PCDH15: variants seen among roughly 807,000 people sequenced by gnomAD.
The protein encoded by PCDH15 is protocadherin related 15.
In PCDH15, 129 loss-of-function variants were observed where a neutral mutation model predicts 178.5. The ratio of observed to expected loss-of-function variants is 0.72; its 90% CI spans 0.63 to 0.84. PCDH15 has a LOEUF of 0.84. Among genes scored for constraint, PCDH15 ranks in the 40% least tolerant of loss-of-function variants. The pLI, the probability that PCDH15 is intolerant of heterozygous loss-of-function variation, is 0.00. For missense variants in PCDH15, 2,230 were observed against 2,099.9 expected, an observed-to-expected ratio of 1.06 and a Z score of -1.21; for synonymous variants, 800 against 732.0, an observed-to-expected ratio of 1.09 and a Z score of -1.50.
intron 21 of PCDH15, among the ~76,000 whole-genome samples, chr10:53,990,599 C>CAT (rs1306324315): frequency 6.7e-6 from 1 of 149,776 alleles, no homozygotes; most frequent in African/African-American, 2.5e-5. Context: ...ATGTTATATA[C>CAT]ATATATATAA....
intron 2 of PCDH15, among the ~76,000 whole-genome samples, chr10:54,974,315 A>T (rs1425408164): frequency 6.6e-6 from 1 of 152,098 alleles, no homozygotes; most frequent in Admixed American, 6.6e-5. Flanking sequence ...TCTATAAAAA[A>T]TTTAAATATA....
In PCDH15 at chr10:55,132,595, A is replaced by G. The variant is rs191455719; in HGVS notation, c.-80+33981T>C. Among the ~76,000 whole-genome samples the G allele has an allele frequency of 3.8e-3, 582 of 152,336 alleles. 7 individuals are homozygous for G. The highest frequency in any genetic ancestry group is 0.013 in the African/African-American group (544 of 41,584). On this transcript the variant is annotated intron_variant, in intron 2 of 5. Coordinates refer to the PCDH15 transcript ENST00000458638. ...ACAAATTTATACCCCAATTTGAAAGATAATTAAATGTTCGTTTTCACTCAA... is the reference window on the plus strand; with the variant it reads ...ACAAATTTATACCCCAATTTGAAAGGTAATTAAATGTTCGTTTTCACTCAA...
chr10:55,134,925 T>C (rs1232143435), intron 2 of PCDH15, among the ~76,000 whole-genome samples: 2 of 152,186 alleles, frequency 1.3e-5, no homozygotes, highest in African/African-American at 4.8e-5. Flanking sequence ...ATAGATTTGG[T>C]GTGTTTACTA....
At position 54,977,698 on chromosome 10, in the gene PCDH15, C is replaced by T. The variant is rs367662611; in HGVS notation, c.-79-80198G>A. ...CATTTTTTTTATTTTCCAATAAACT[C>T]GCTTTCACGTTACTCTGTGGACTTC... On this transcript the variant is annotated intron_variant, in intron 2 of 5. Transcript: ENST00000458638. Among the ~76,000 whole-genome samples the T allele has an allele frequency of 4.6e-5, 7 of 152,112 alleles. No homozygotes were observed. In the East Asian group the frequency reaches 5.8e-4, roughly 13 times the overall value.
intron 2 of PCDH15, among the ~76,000 whole-genome samples, chr10:55,106,453 G>C (rs576201914): frequency 1.3e-5 from 2 of 151,998 alleles, no homozygotes; most frequent in Non-Finnish European, 2.9e-5. Flanking sequence ...CGCTCTTGTC[G>C]CCCAGGCTGG....
intron 2 of PCDH15, among the ~76,000 whole-genome samples, chr10:54,654,249 T>C (rs2094327260): frequency 6.6e-6 from 1 of 152,212 alleles, no homozygotes; most frequent in Non-Finnish European, 1.5e-5. Context: ...GGATATGATG[T>C]TATTTAATTG....
At chr10:54,650,957 A>G (rs1279362896) in intron 2 of PCDH15, among the ~76,000 whole-genome samples, 1 of 152,172 alleles carries the variant, frequency 6.6e-6, no homozygotes, top group Non-Finnish European at 1.5e-5. Flanking sequence ...TGTGTATGAA[A>G]TAAGTAGGAA....
intron 3 of PCDH15, among the ~76,000 whole-genome samples, chr10:54,402,923 C>A (rs544640964): frequency 1.3e-5 from 2 of 152,042 alleles, no homozygotes; most frequent in African/African-American, 4.8e-5. Context: ...CATCTCTCAC[C>A]TTAAATCAAA....
chr10:55,159,694 TAA>T (rs1839009301), intron 2 of PCDH15, among the ~76,000 whole-genome samples: 1 of 147,786 alleles, frequency 6.8e-6, no homozygotes, highest in African/African-American at 2.5e-5. Flanking sequence ...ATATATTTCT[TAA>T]GATATATCTA....
In PCDH15 at chr10:54,309,635, A is replaced by C. The variant is rs2060777587; in HGVS notation, c.876+7636T>G. Reference sequence around the variant, plus strand: ...ATGGTGAAACCCTGTCTCAACTGAAAAAATACAAAAATTAGCCGGGTGTGG... The same window carrying C: ...ATGGTGAAACCCTGTCTCAACTGAACAAATACAAAAATTAGCCGGGTGTGG... On this transcript the variant is annotated intron_variant, in intron 8 of 37. Coordinates refer to ENST00000644397, the MANE Select transcript of PCDH15 (RefSeq NM_001384140.1). Among the ~76,000 whole-genome samples the C allele has an allele frequency of 2.0e-5, 3 of 151,994 alleles. No individual in the cohort carries two copies. In the East Asian group the frequency reaches 5.8e-4, roughly 29 times the overall value.
intron 3 of PCDH15, among the ~76,000 whole-genome samples, chr10:54,807,415 T>G (rs940114791): frequency 5.9e-5 from 9 of 152,068 alleles, no homozygotes; most frequent in African/African-American, 2.2e-4. Context: ...AAAATAAGTA[T>G]TAAAAGAATC....
intron 2 of PCDH15, among the ~76,000 whole-genome samples, chr10:55,580,450 T>A (rs1447021768): frequency 6.6e-6 from 1 of 151,406 alleles, no homozygotes; most frequent in Admixed American, 6.6e-5. Context: ...CTCTGCCTCC[T>A]GGGTTCAAGC....
intron 3 of PCDH15, among the ~76,000 whole-genome samples, chr10:54,495,932 A>C (rs2080070251): frequency 6.6e-6 from 1 of 152,152 alleles, no homozygotes; most frequent in Non-Finnish European, 1.5e-5. Flanking sequence ...TATTACTTTA[A>C]AATCATTTCA....
At chr10:54,983,409 C>T (rs1839288961) in intron 2 of PCDH15, among the ~76,000 whole-genome samples, 1 of 152,130 alleles carries the variant, frequency 6.6e-6, no homozygotes, top group African/African-American at 2.4e-5. Flanking sequence ...TAAATGTATG[C>T]TGACAGTAAA....
At chr10:54,371,192 T>C (rs374157898) in intron 4 of PCDH15, among the ~76,000 whole-genome samples, 2 of 151,924 alleles carry the variant, frequency 1.3e-5, no homozygotes, top group South Asian at 4.1e-4. Flanking sequence ...ATAATAAATT[T>C]TATCCTCCAA....
In PCDH15 at chr10:54,584,368, C is replaced by T. The variant is rs181295309; in HGVS notation, c.92-56491G>A. Among the ~76,000 whole-genome samples the T allele has an allele frequency of 3.3e-5, 5 of 152,156 alleles. No individual in the cohort carries two copies. In the East Asian group the frequency reaches 5.8e-4, roughly 18 times the overall value. ...AGTGAGCTATAATCATGCCACTGTA[C>T]TCAGGCCTAGGTGACAGAGCAAGAC... On this transcript the variant is annotated intron_variant, in intron 2 of 37. Coordinates refer to ENST00000644397, the MANE Select transcript of PCDH15 (RefSeq NM_001384140.1).
At chr10:54,459,396 A>G (rs2077031688) in intron 3 of PCDH15, among the ~76,000 whole-genome samples, 1 of 151,932 alleles carries the variant, frequency 6.6e-6, no homozygotes, top group Admixed American at 6.6e-5. Context: ...TGTCATAGGA[A>G]CTTGACTCTT....
chr10:54,930,601 G>T (rs762370966), intron 2 of PCDH15, among the ~76,000 whole-genome samples: 6 of 152,108 alleles, frequency 3.9e-5, no homozygotes, highest in Non-Finnish European at 7.4e-5. Flanking sequence ...GGTAACCTTG[G>T]CTCTCTCATT....
At chr10:54,417,820 CTG>C (rs1315100978) in intron 3 of PCDH15, among the ~76,000 whole-genome samples, 1 of 152,114 alleles carries the variant, frequency 6.6e-6, no homozygotes, top group Non-Finnish European at 1.5e-5. Context: ...AATGCTATGA[CTG>C]TATTACATTT....
Sources: allele counts gnomAD v4.1 joint callset (sites outside exome capture counted in the v4.1 genomes callset), GRCh38; gene constraint gnomAD v4.1.1; transcripts MANE v1.5; gene names NCBI Gene and HGNC (gene_info 2026-07-23, HGNC 2026-07-21).